Variants in ZNF395 observed in about 807,000 individuals in gnomAD.
ZNF395 encodes the protein zinc finger protein 395.
ZNF395 carries 20 observed loss-of-function variants against 57.7 expected under a neutral mutation model. The ratio of observed to expected loss-of-function variants is 0.35; its 90% confidence interval spans 0.24 to 0.50. The LOEUF is 0.50. Ranked by LOEUF, ZNF395 falls within the 20% of genes least tolerant of loss-of-function variation. The pLI is 0.97. For missense variants in ZNF395, 606 were observed against 671.2 expected (o/e 0.90, Z 1.07); for synonymous variants, 295 against 275.9 (o/e 1.07, Z -0.69).
In ZNF395 at chr8:28,356,298, A is replaced by T. The variant is rs1264241708; in HGVS notation, c.583+372T>A. Among the ~76,000 whole-genome samples, 1 of 152,214 alleles carries T rather than the reference A, an allele frequency of 6.6e-6. No homozygotes were observed. Among genetic ancestry groups the T allele is most frequent in the Non-Finnish European group, 1.5e-5 (1 of 68,036 alleles). On this transcript the variant is annotated intron_variant, in intron 4 of 9. Coordinates refer to ENST00000344423, the MANE Select transcript of ZNF395 (RefSeq NM_018660.3). This position sits in a 1 kb window ranked among gnomAD's most constrained non-coding sequence, Gnocchi z 4.0. The stretch of plus-strand genomic sequence containing the variant: ...ATGAGGGCATGAATTTTCTGAGGCC[A>T]CTAGGAGACCATTTAGCATATTGCT...
intron 1 of ZNF395, among the ~76,000 whole-genome samples, chr8:28,374,415 T>C (rs185270059): frequency 9.8e-5 from 15 of 152,332 alleles, no homozygotes; most frequent in Admixed American, 2.6e-4. Context: ...TTTTGCATTT[T>C]TCCCCTCCAG....
chr8:28,351,706 G>A lies in ZNF395; in HGVS notation c.1022C>T (p.Ala341Val). 5 of 1,610,398 alleles carry A rather than the reference G, an allele frequency of 3.1e-6. No homozygotes were observed. In the South Asian group the frequency reaches 3.3e-5, roughly 11 times the overall value. The change falls in exon 7 of 10, where the codon GCA (alanine) becomes GTA (valine). Residue 341 changes from alanine to valine, a missense_variant. Physicochemically the swap from Ala to Val is moderately conservative, Grantham distance 64. Coordinates refer to ENST00000344423, the MANE Select transcript of ZNF395 (RefSeq NM_018660.3). ...ESAAAAAAAA[A>V]GTPVPGTPTS... is the part of the protein sequence containing the mutation. ...GGGAGTCCCAGGGACTGGGGTGCCT[G>A]CGGCAGCAGCAGCAGCAGCAGCAGC...
At chr8:28,378,799 T>A (rs894867991) in intron 1 of ZNF395, among the ~76,000 whole-genome samples, 8 of 152,164 alleles carry the variant, frequency 5.3e-5, no homozygotes, top group African/African-American at 1.7e-4. Context: ...GCATCCCTAA[T>A]CAACAGCATT....
intron 1 of ZNF395, among the ~76,000 whole-genome samples, chr8:28,373,185 A>C (rs565995178): frequency 6.6e-6 from 1 of 152,330 alleles, no homozygotes; most frequent in East Asian, 1.9e-4. Context: ...TGAAGGCTGC[A>C]AAGGGGCCTC....
chr8:28,357,280 TCCC>T (rs1251162475), intron 3 of ZNF395, among the ~76,000 whole-genome samples: 1 of 151,316 alleles, frequency 6.6e-6, no homozygotes, highest in South Asian at 2.1e-4. Flanking sequence ...CTCCCACCCC[TCCC>T]CCAAGAAAAA....
Position 28,359,444 on chromosome 8 carries a change from T to G in ZNF395, c.473+148A>C. The stretch of plus-strand genomic sequence containing the variant: ...ATGCCACTCTGGTTTTCTTAAAAGA[T>G]TCCCCTTTTCTGTGTCCCATTTGTC... On this transcript the variant is annotated intron_variant, in intron 3 of 9. Transcript: ENST00000344423. This position sits in a 1 kb window ranked among gnomAD's most constrained non-coding sequence, Gnocchi z 4.7. The G allele has an allele frequency of 1.8e-6, 2 of 1,116,834 alleles. No individual in the cohort carries two copies. Among genetic ancestry groups the G allele is most frequent in the Non-Finnish European group, 2.4e-6 (2 of 817,132 alleles). 69.2% of individuals were successfully genotyped at this position (1,116,834 alleles called of 1,614,324 possible).
intron 1 of ZNF395, among the ~76,000 whole-genome samples, chr8:28,382,096 A>G (rs1315372312): frequency 6.6e-6 from 1 of 152,164 alleles, no homozygotes; most frequent in Non-Finnish European, 1.5e-5. Flanking sequence ...GTCGCAAAGC[A>G]AAACGCCTAC....
intron 7 of ZNF395, among the ~76,000 whole-genome samples, chr8:28,350,393 G>A (rs942504185): frequency 2.0e-5 from 3 of 152,192 alleles, no homozygotes; most frequent in Admixed American, 6.5e-5. Flanking sequence ...TTCCCTCAGC[G>A]CTGGTCTACG....
chr8:28,383,994 C>T (rs1802140887), intron 1 of ZNF395, among the ~76,000 whole-genome samples: 1 of 152,146 alleles, frequency 6.6e-6, no homozygotes. Context: ...AATTTCCATT[C>T]ATCTCATCCC....
chr8:28,360,193 G>T (rs776361766), intron 2 of ZNF395, among the ~76,000 whole-genome samples: 2 of 152,234 alleles, frequency 1.3e-5, no homozygotes, highest in Non-Finnish European at 2.9e-5. Context: ...TGCACTCAAA[G>T]GATGCTGAGT....
intron 1 of ZNF395, among the ~76,000 whole-genome samples, chr8:28,361,882 G>A (rs552821321): frequency 8.6e-5 from 13 of 152,004 alleles, no homozygotes; most frequent in African/African-American, 2.2e-4. Flanking sequence ...ACTTGAGGTC[G>A]GGAGTTCAAG....
chr8:28,381,432 C>T (rs1239344829), intron 1 of ZNF395, among the ~76,000 whole-genome samples: 3 of 152,148 alleles, frequency 2.0e-5, no homozygotes, highest in Non-Finnish European at 2.9e-5. Flanking sequence ...ATCCTCTTGC[C>T]TCAGGCTCCC....
rs932609238 is a variant in ZNF395, at chr8:28,353,181, T to C, written c.811A>G (p.Lys271Glu). The C allele has an allele frequency of 6.8e-6, 11 of 1,613,628 alleles. No individual in the cohort carries two copies. The highest frequency in any genetic ancestry group is 8.5e-6 in the Non-Finnish European group (10 of 1,180,002). Residue 271 changes from lysine (K) to glutamate (E), a missense_variant, in exon 5 of 10, where the codon AAA (lysine) becomes GAA (glutamate). Coordinates refer to ENST00000344423, the MANE Select transcript of ZNF395 (RefSeq NM_018660.3). ...PFLLDEPAPR[K>E]RKNSVKVMYK... The stretch of plus-strand genomic sequence containing the variant: ...ACACCACAATCACGTACCTTTCTTT[T>C]TCGTGGAGCTGGTTCGTCCAGCAGG...
At chr8:28,367,714 A>G (rs1054227283) in intron 1 of ZNF395, among the ~76,000 whole-genome samples, 1 of 152,192 alleles carries the variant, frequency 6.6e-6, no homozygotes, top group Non-Finnish European at 1.5e-5. Flanking sequence ...TCCTTGGCAC[A>G]TAGTGAGGGC....
Position 28,346,878 on chromosome 8 carries a change from A to G in ZNF395, c.*1841T>C, listed in dbSNP as rs1471116275. The stretch of plus-strand genomic sequence containing the variant: ...CAAGGAGATCGAAGGGACAGGAAGG[A>G]GAGCCCTGCGCCACCTCAGGCTAGC... On this transcript the variant is annotated 3_prime_UTR_variant, in exon 10 of 10. Coordinates refer to ENST00000344423, the MANE Select transcript of ZNF395 (RefSeq NM_018660.3). 6.6e-6 allele frequency: 1 copy of G among 152,058 alleles called. No homozygotes were observed. The highest frequency in any genetic ancestry group is 6.5e-5 in the Admixed American group (1 of 15,284). 9.4% of individuals were successfully genotyped at this position (152,058 alleles called of 1,614,324 possible).
chr8:28,359,987 C>T lies in ZNF395; in HGVS notation c.241-163G>A, dbSNP rs1008946681. Reference sequence around the variant, plus strand: ...CAGATGTTCCCAGGTACTCGCTTCCCACCTGAGCACCCACACAGGCCCAAT... The same window carrying T: ...CAGATGTTCCCAGGTACTCGCTTCCTACCTGAGCACCCACACAGGCCCAAT... On this transcript the variant is annotated intron_variant, in intron 2 of 9. Transcript: ENST00000344423. This position sits in a 1 kb window ranked among gnomAD's most constrained non-coding sequence, Gnocchi z 4.7. Among the ~76,000 whole-genome samples, 4 of 152,178 alleles carry T rather than the reference C, an allele frequency of 2.6e-5. No homozygotes were observed. The highest frequency in any genetic ancestry group is 9.7e-5 in the African/African-American group (4 of 41,426).
rs781661384 is a variant in ZNF395, at chr8:28,351,717, A to G, written c.1011T>C (p.Ala337=). 8.1e-6 allele frequency: 13 copies of G among 1,607,620 alleles called. No individual in the cohort carries two copies. Among genetic ancestry groups the G allele is most frequent in the South Asian group, 7.7e-5 (7 of 91,064 alleles). The change falls in exon 7 of 10, where the codon GCT becomes GCC. Residue 337 remains alanine, a synonymous_variant. Coordinates refer to ENST00000344423, the MANE Select transcript of ZNF395 (RefSeq NM_018660.3). Reference sequence around the variant, plus strand: ...GGACTGGGGTGCCTGCGGCAGCAGCAGCAGCAGCAGCAGCAGATTCCTCCT... The same window carrying G: ...GGACTGGGGTGCCTGCGGCAGCAGCGGCAGCAGCAGCAGCAGATTCCTCCT... The part of the protein sequence containing the change: ...QLKEESAAAA[A]AAAAGTPVPG...
chr8:28,369,625 T>C (rs1169411753), intron 1 of ZNF395, among the ~76,000 whole-genome samples: 2 of 152,216 alleles, frequency 1.3e-5, no homozygotes, highest in African/African-American at 4.8e-5. Context: ...CGGGTCTCTT[T>C]CCTGCTCTGT....
intron 1 of ZNF395, chr8:28,385,318 G>A (rs1802158936): frequency 6.6e-6 from 1 of 152,298 alleles, no homozygotes. Context: ...CCAAAGTGAA[G>A]GCGCTGAGCC....
Sources: allele counts gnomAD v4.1 joint callset (sites outside exome capture counted in the v4.1 genomes callset), GRCh38; gene constraint gnomAD v4.1.1; non-coding constraint Gnocchi (gnomAD v3.1); transcripts MANE v1.5; gene names NCBI Gene and HGNC (gene_info 2026-07-23, HGNC 2026-07-21).